The following CENPP variants were observed in gnomAD, a reference collection of about 807,000 sequenced individuals.
CENPP encodes the protein centromere protein P.
Under a neutral mutation model 35.6 loss-of-function variants are expected in CENPP, and 24 were observed. That is an observed-to-expected ratio of 0.67 (90% confidence interval 0.49 to 0.95). CENPP has a LOEUF of 0.95. Ranked by LOEUF, CENPP falls within the 40% of genes least tolerant of loss-of-function variation. The pLI is 0.00. For missense variants in CENPP, 332 were observed against 345.3 expected (o/e 0.96, Z 0.31); for synonymous variants, 120 against 125.5 (o/e 0.96, Z 0.29).
intron 5 of CENPP, among the ~76,000 whole-genome samples, chr9:92,465,279 A>G (rs1845263058): frequency 6.6e-6 from 1 of 152,220 alleles, no homozygotes; most frequent in Non-Finnish European, 1.5e-5. Flanking sequence ...GAATTACCAT[A>G]TCAGTGACAT....
chr9:92,417,630 C>G (rs1026314181), intron 5 of CENPP: 3 of 881,348 alleles, frequency 3.4e-6, no homozygotes, highest in Non-Finnish European at 5.1e-6. Flanking sequence ...TCAGAATACG[C>G]TTTGTATAAA....
At chr9:92,413,256 G>A (rs1249486548) in intron 5 of CENPP, among the ~76,000 whole-genome samples, 2 of 151,928 alleles carry the variant, frequency 1.3e-5, no homozygotes, top group African/African-American at 4.8e-5. Flanking sequence ...CAAAGTGCTG[G>A]GATTACAGGT....
At position 92,352,510 on chromosome 9, in the gene CENPP, CATATAT is replaced by C. The variant is rs67070835; in HGVS notation, c.467+6747_467+6752del. On this transcript the variant is annotated intron_variant, in intron 4 of 7. Transcript: ENST00000375587. ...GTGTGTGTGTGTGTGTGTGTGTATA[CATATAT>C]ATATATATATATATATATATATAAT... Among the ~76,000 whole-genome samples the C allele has an allele frequency of 2.0e-3, 102 of 50,432 alleles. 7 individuals carry two copies. Among genetic ancestry groups the C allele is most frequent in the Middle Eastern group, 0.025 (2 of 80 alleles). 33.1% of individuals were successfully genotyped at this position (50,432 alleles called of 152,430 possible).
At chr9:92,512,191 G>A in intron 5 of CENPP, 1 of 1,031,596 alleles carries the variant, frequency 9.7e-7, no homozygotes, top group Non-Finnish European at 1.5e-6. Context: ...CACATGTATG[G>A]GCATGTGTGC....
intron 5 of CENPP, among the ~76,000 whole-genome samples, chr9:92,518,899 T>G (rs898578651): frequency 2.0e-5 from 3 of 152,026 alleles, no homozygotes; most frequent in Non-Finnish European, 4.4e-5. Context: ...AATAAATAAA[T>G]AAACAAATAA....
intron 4 of CENPP, among the ~76,000 whole-genome samples, chr9:92,358,749 T>C (rs1262375608): frequency 6.6e-6 from 1 of 152,080 alleles, no homozygotes; most frequent in African/African-American, 2.4e-5. Flanking sequence ...TTAGGTTTCT[T>C]TCTTTGTATT....
intron 5 of CENPP, among the ~76,000 whole-genome samples, chr9:92,524,965 A>G (rs1010839548): frequency 6.6e-6 from 1 of 152,216 alleles, no homozygotes; most frequent in African/African-American, 2.4e-5. Flanking sequence ...TTGAAGGATT[A>G]AGGGATAAGT....
intron 5 of CENPP, among the ~76,000 whole-genome samples, chr9:92,573,871 G>A (rs1564008007): frequency 6.6e-6 from 1 of 152,232 alleles, no homozygotes; most frequent in Non-Finnish European, 1.5e-5. Context: ...AGTGAGCGAG[G>A]CTTCGTGGGC....
intron 5 of CENPP, among the ~76,000 whole-genome samples, chr9:92,424,656 C>T (rs1302673108): frequency 6.6e-6 from 1 of 152,136 alleles, no homozygotes; most frequent in Non-Finnish European, 1.5e-5. Context: ...GTCTCAGCAA[C>T]TTAAGGTGGA....
chr9:92,559,626 C>T (rs990542715), intron 5 of CENPP, among the ~76,000 whole-genome samples: 6 of 152,076 alleles, frequency 3.9e-5, no homozygotes, highest in Non-Finnish European at 7.4e-5. Context: ...TCTAGTCCTG[C>T]CTCCTGTCTG....
chr9:92,612,438 A>G, intron 6 of CENPP, 85 bp from the exon 7 acceptor site: 2 of 1,047,178 alleles, frequency 1.9e-6, no homozygotes, highest in South Asian at 1.3e-5. Flanking sequence ...GCATGGGGAA[A>G]TGGAGACCAG....
chr9:92,475,161 C>T lies in CENPP; in HGVS notation c.564+95302C>T, dbSNP rs1330407658. The stretch of plus-strand genomic sequence containing the variant: ...TAAAATCTAGTCTCAGGAAACATTT[C>T]TAAAGTGCACAAAGATGTTCATCAC... On this transcript the variant is annotated intron_variant, in intron 5 of 7. Transcript: ENST00000375587. 2.0e-5 allele frequency among the ~76,000 whole-genome samples: 3 copies of T among 152,144 alleles called. No individual in the cohort carries two copies. In the East Asian group the frequency reaches 5.8e-4, roughly 29 times the overall value.
At chr9:92,406,298 G>A (rs969687382) in intron 5 of CENPP, among the ~76,000 whole-genome samples, 7 of 152,140 alleles carry the variant, frequency 4.6e-5, no homozygotes, top group Non-Finnish European at 1.0e-4. Context: ...GACTAGACAG[G>A]GGGAATAGAG....
chr9:92,523,016 G>A (rs990447444), intron 5 of CENPP: 3 of 909,344 alleles, frequency 3.3e-6, no homozygotes, highest in Admixed American at 2.9e-5. Context: ...ATGATATATG[G>A]ACTATATGCT....
intron 5 of CENPP, among the ~76,000 whole-genome samples, chr9:92,584,058 G>C (rs536827696): frequency 1.3e-5 from 2 of 152,178 alleles, no homozygotes; most frequent in African/African-American, 4.8e-5. Context: ...GAAAACACTG[G>C]GATTAGTTCC....
chr9:92,382,937 C>T (rs1296200856), intron 5 of CENPP, among the ~76,000 whole-genome samples: 1 of 131,198 alleles, frequency 7.6e-6, no homozygotes, highest in African/African-American at 2.9e-5. Context: ...CTTGCTCTGT[C>T]GCCTAGGCTA....
At chr9:92,597,113 G>T (rs1850803476) in intron 5 of CENPP, among the ~76,000 whole-genome samples, 5 of 152,128 alleles carry the variant, frequency 3.3e-5, no homozygotes, top group Admixed American at 3.3e-4. Flanking sequence ...TATAAGCTTA[G>T]GTTTTGGAAT....
At chr9:92,411,433 T>C (rs544965041) in intron 5 of CENPP, among the ~76,000 whole-genome samples, 1 of 152,234 alleles carries the variant, frequency 6.6e-6, no homozygotes, top group South Asian at 2.1e-4. Flanking sequence ...TAGCTGGGAC[T>C]ACAGGCATGC....
In CENPP at chr9:92,466,534, T is replaced by A. The variant is rs775538414; in HGVS notation, c.564+86675T>A. 5 of 1,614,068 alleles carry A rather than the reference T, an allele frequency of 3.1e-6. No individual in the cohort carries two copies. In the South Asian group the frequency reaches 5.5e-5, roughly 18 times the overall value. On this transcript the variant is annotated intron_variant, in intron 5 of 7. Transcript: ENST00000375587. ...CTTTGTGGTTAGAAAGGCTTTTGGG[T>A]GAATCTTCGTTAGCTTGTTGTTGTT...
Sources: gnomAD v4.1 joint callset for allele counts (sites outside exome capture counted in the v4.1 genomes callset) on GRCh38, gnomAD v4.1.1 for gene constraint, MANE v1.5 for transcripts, NCBI Gene and HGNC (gene_info 2026-07-23, HGNC 2026-07-21) for gene names.